The following USH2A variants were observed in gnomAD, a reference collection of about 807,000 sequenced individuals.
USH2A encodes the protein usherin.
A neutral mutation model predicts 538.9 loss-of-function variants in USH2A; 443 were observed. That is an observed-to-expected ratio of 0.82 (90% CI 0.76 to 0.89). The LOEUF is 0.89. Ranked by LOEUF, USH2A falls within the 40% of genes least tolerant of loss-of-function variation. The pLI is 0.00. For missense variants in USH2A, 6,633 were observed against 6,324.8 expected (o/e 1.05, Z -1.65); for synonymous variants, 2,413 against 2,273.5 (o/e 1.06, Z -1.75).
intron 49 of USH2A, among the ~76,000 whole-genome samples, chr1:215,810,773 G>A (rs1247697605): frequency 6.6e-6 from 1 of 152,100 alleles, no homozygotes; most frequent in Non-Finnish European, 1.5e-5. Context: ...TTGACATCGT[G>A]AGCTGTAGTA....
At chr1:216,151,282 C>A (rs2033826264) in intron 21 of USH2A, among the ~76,000 whole-genome samples, 1 of 152,042 alleles carries the variant, frequency 6.6e-6, no homozygotes, top group Admixed American at 6.5e-5. Context: ...TTTACATCTC[C>A]AGTTTTGCCT....
At chr1:216,248,659 C>A (rs1317064384) in intron 12 of USH2A, among the ~76,000 whole-genome samples, 2 of 151,868 alleles carry the variant, frequency 1.3e-5, no homozygotes, top group East Asian at 1.9e-4. Context: ...AAAAAAGGAC[C>A]ACTATTGCTG....
intron 14 of USH2A, among the ~76,000 whole-genome samples, chr1:216,224,742 A>T (rs2035527174): frequency 6.6e-6 from 1 of 152,170 alleles, no homozygotes; most frequent in Non-Finnish European, 1.5e-5. Context: ...AAACCTTGCT[A>T]TATCCAACAA....
chr1:215,718,931 G>C (rs1035064151), intron 61 of USH2A, among the ~76,000 whole-genome samples: 1 of 152,166 alleles, frequency 6.6e-6, no homozygotes, highest in African/African-American at 2.4e-5. Context: ...AGACATTTTT[G>C]ACAAGGCTCC....
chr1:216,147,803 TC>T (rs899952759), intron 21 of USH2A, among the ~76,000 whole-genome samples: 6 of 150,924 alleles, frequency 4.0e-5, no homozygotes, highest in Non-Finnish European at 7.4e-5. Context: ...CAGAACCTCC[TC>T]CCCCAGGAGC....
chr1:216,268,817 A>T (rs2036523700), intron 11 of USH2A, among the ~76,000 whole-genome samples: 1 of 152,078 alleles, frequency 6.6e-6, no homozygotes, highest in Non-Finnish European at 1.5e-5. Flanking sequence ...GTCTCAAGTG[A>T]AATGCCATCT....
intron 61 of USH2A, among the ~76,000 whole-genome samples, chr1:215,722,919 T>G (rs1005889386): frequency 2.0e-5 from 3 of 152,192 alleles, no homozygotes; most frequent in African/African-American, 7.2e-5. Context: ...CAATGGCAGA[T>G]GCCAGTGAGA....
At chr1:215,914,065 A>G (rs1453500302) in intron 38 of USH2A, among the ~76,000 whole-genome samples, 2 of 144,678 alleles carry the variant, frequency 1.4e-5, no homozygotes, top group Non-Finnish European at 3.0e-5. Flanking sequence ...GTCAAGCAAC[A>G]GACTTTTTTT....
chr1:215,854,755 T>A (rs1400444417), intron 44 of USH2A, among the ~76,000 whole-genome samples: 1 of 152,172 alleles, frequency 6.6e-6, no homozygotes, highest in Non-Finnish European at 1.5e-5. Flanking sequence ...AGTGCATGAA[T>A]AACCTGGTCA....
At chr1:216,089,607 G>A (rs988252428) in intron 22 of USH2A, among the ~76,000 whole-genome samples, 1 of 151,830 alleles carries the variant, frequency 6.6e-6, no homozygotes, top group East Asian at 1.9e-4. Context: ...ATAACAAATG[G>A]GAATGACATT....
intron 21 of USH2A, among the ~76,000 whole-genome samples, chr1:216,158,040 T>C (rs1452610885): frequency 1.3e-5 from 2 of 152,154 alleles, no homozygotes; most frequent in African/African-American, 4.8e-5. Context: ...GGTTATAAGA[T>C]TCACCCACAT....
Position 216,381,169 on chromosome 1 carries a change from G to A in USH2A, c.652-16084C>T, listed in dbSNP as rs560796951. Among the ~76,000 whole-genome samples, 6 of 152,206 alleles carry A rather than the reference G, an allele frequency of 3.9e-5. No homozygotes were observed. In the South Asian group the frequency reaches 8.3e-4, roughly 21 times the overall value. ...ATTGAGATACGTACACAAAGAAATGGAGTTGAAGAGGGAGAGGGAAAAGTG... is the reference window on the plus strand; with the variant it reads ...ATTGAGATACGTACACAAAGAAATGAAGTTGAAGAGGGAGAGGGAAAAGTG... On this transcript the variant is annotated intron_variant, in intron 3 of 71. Coordinates refer to ENST00000307340, the MANE Select transcript of USH2A (RefSeq NM_206933.4).
chr1:216,213,493 C>T (rs2035284972), intron 15 of USH2A, among the ~76,000 whole-genome samples: 1 of 151,884 alleles, frequency 6.6e-6, no homozygotes, highest in Non-Finnish European at 1.5e-5. Flanking sequence ...GCAATTTCAA[C>T]AAATGTTAAT....
chr1:216,054,594 G>A (rs768932387), intron 30 of USH2A, among the ~76,000 whole-genome samples: 2 of 152,030 alleles, frequency 1.3e-5, no homozygotes, highest in African/African-American at 2.4e-5. Context: ...TTTTAAAGCC[G>A]AGCATATTTC....
intron 21 of USH2A, among the ~76,000 whole-genome samples, chr1:216,173,230 G>A (rs549776361): frequency 6.6e-5 from 10 of 152,118 alleles, no homozygotes; most frequent in South Asian, 4.1e-4. Flanking sequence ...GTTAGGCTTC[G>A]GTACAACTCA....
At chr1:216,367,256 G>C (rs961588087) in intron 3 of USH2A, among the ~76,000 whole-genome samples, 2 of 152,158 alleles carry the variant, frequency 1.3e-5, no homozygotes, top group East Asian at 1.9e-4. Flanking sequence ...ATTAACACTA[G>C]CATGACAGTT....
At chr1:215,763,267 A>G (rs1661032323) in intron 56 of USH2A, among the ~76,000 whole-genome samples, 1 of 152,192 alleles carries the variant, frequency 6.6e-6, no homozygotes, top group Non-Finnish European at 1.5e-5. Flanking sequence ...GTACTCCAGT[A>G]TGATACATGC....
intron 55 of USH2A, among the ~76,000 whole-genome samples, chr1:215,776,664 T>C (rs1469128176): frequency 6.6e-6 from 1 of 152,088 alleles, no homozygotes; most frequent in Non-Finnish European, 1.5e-5. Context: ...AATCAAAACA[T>C]TTATCCTAGG....
At chr1:216,292,121 T>C (rs1156675665) in intron 10 of USH2A, 54 bp downstream of exon 10, 1 of 1,553,950 alleles carries the variant, frequency 6.4e-7, no homozygotes. Flanking sequence ...ATATGCATTG[T>C]AGATAGAAGC....
Sources: allele counts gnomAD v4.1 joint callset (sites outside exome capture counted in the v4.1 genomes callset), GRCh38; gene constraint gnomAD v4.1.1; transcripts MANE v1.5; gene names NCBI Gene and HGNC (gene_info 2026-07-23, HGNC 2026-07-21).